Variants in SPOCK1 observed in about 807,000 individuals in gnomAD.
The protein encoded by SPOCK1 is SPARC (osteonectin), cwcv and kazal like domains proteoglycan 1.
Under a neutral mutation model 55.3 loss-of-function variants are expected in SPOCK1, and 23 were observed. The ratio of observed to expected loss-of-function variants is 0.42; its 90% CI spans 0.30 to 0.59. The LOEUF is 0.59. Ranked by LOEUF, SPOCK1 falls within the 20% of genes least tolerant of loss-of-function variation. SPOCK1 has a pLI of 0.22. For synonymous variants in SPOCK1, 226 were observed against 221.0 expected (o/e 1.02, Z -0.20); for missense variants, 499 against 552.5 (o/e 0.90, Z 0.97).
intron 2 of SPOCK1, among the ~76,000 whole-genome samples, chr5:137,317,668 A>C (rs1757904314): frequency 6.6e-6 from 1 of 152,216 alleles, no homozygotes; most frequent in African/African-American, 2.4e-5. Context: ...TCAACCCTAC[A>C]AGTCAACAGG....
At chr5:137,328,570 C>T (rs1488767653) in intron 2 of SPOCK1, among the ~76,000 whole-genome samples, 1 of 152,210 alleles carries the variant, frequency 6.6e-6, no homozygotes, top group East Asian at 1.9e-4. Context: ...CACTGCTCTC[C>T]TTCTCAATGC....
intron 4 of SPOCK1, among the ~76,000 whole-genome samples, chr5:137,131,737 C>T (rs911668966): frequency 5.3e-5 from 8 of 151,378 alleles, no homozygotes; most frequent in Non-Finnish European, 1.2e-4. Context: ...CTTTGGGAGG[C>T]CAAGATGGGC....
intron 4 of SPOCK1, among the ~76,000 whole-genome samples, chr5:137,123,715 G>A (rs1753726610): frequency 1.3e-5 from 2 of 152,096 alleles, no homozygotes; most frequent in Non-Finnish European, 2.9e-5. Context: ...AAGTTGGTAG[G>A]CAGGCTCGCA....
chr5:137,378,796 C>T (rs1220488759), intron 2 of SPOCK1, among the ~76,000 whole-genome samples: 1 of 152,156 alleles, frequency 6.6e-6, no homozygotes. Flanking sequence ...AACTCAGTTT[C>T]CTTGTGGGGA....
chr5:137,231,692 A>G (rs1210173820), intron 3 of SPOCK1, among the ~76,000 whole-genome samples: 1 of 152,252 alleles, frequency 6.6e-6, no homozygotes, highest in Non-Finnish European at 1.5e-5. Flanking sequence ...TAAAGCTGCT[A>G]ATAAACACTC....
At position 137,302,153 on chromosome 5, in the gene SPOCK1, G is replaced by GT. The variant is rs1757603656; in HGVS notation, c.187-35099dup. 4.6e-5 allele frequency among the ~76,000 whole-genome samples: 7 copies of GT among 152,314 alleles called. No homozygotes were observed. In the South Asian group the frequency reaches 1.4e-3, roughly 32 times the overall value. On this transcript the variant is annotated intron_variant, in intron 2 of 10. Transcript: ENST00000394945. ...AAACGAGACGTTTTAGAATCAGAAT[G>GT]TAAAGGGAAAGAGAAAATCAAATTA... is the stretch of plus-strand genomic sequence containing the variant.
At chr5:137,259,320 T>C (rs761181053) in intron 3 of SPOCK1, among the ~76,000 whole-genome samples, 13 of 152,114 alleles carry the variant, frequency 8.5e-5, no homozygotes, top group Admixed American at 2.0e-4. Context: ...TAAAAAAGGA[T>C]GAGTTCATGT....
intron 4 of SPOCK1, among the ~76,000 whole-genome samples, chr5:137,113,731 GC>G: frequency 6.6e-6 from 1 of 152,234 alleles, no homozygotes; most frequent in South Asian, 2.1e-4. Flanking sequence ...ATTATTACTT[GC>G]CCCCACAGGT....
chr5:137,330,983 A>T (rs1029245528), intron 2 of SPOCK1, among the ~76,000 whole-genome samples: 2 of 152,216 alleles, frequency 1.3e-5, no homozygotes, highest in African/African-American at 2.4e-5. Context: ...GGCCGGAGAG[A>T]TGTTAAATGA....
chr5:137,370,236 G>A (rs1381031204), intron 2 of SPOCK1, among the ~76,000 whole-genome samples: 1 of 152,094 alleles, frequency 6.6e-6, no homozygotes, highest in African/African-American at 2.4e-5. Flanking sequence ...TTCCCTCCAG[G>A]GGTATGAAAG....
chr5:137,262,280 C>T (rs763683491), intron 3 of SPOCK1, among the ~76,000 whole-genome samples: 6 of 152,146 alleles, frequency 3.9e-5, no homozygotes, highest in Non-Finnish European at 5.9e-5. Flanking sequence ...TGTGACAATA[C>T]CTTTATTATT....
chr5:136,987,047 GATTT>G (rs973353612), intron 8 of SPOCK1, among the ~76,000 whole-genome samples: 1 of 134,688 alleles, frequency 7.4e-6, no homozygotes, highest in Non-Finnish European at 1.7e-5. Flanking sequence ...GTCTAAAACT[GATTT>G]ATTTTATATA....
At chr5:136,982,403 T>TTATTGTGATTACAGA (rs1300912432) in intron 9 of SPOCK1, among the ~76,000 whole-genome samples, 1 of 152,214 alleles carries the variant, frequency 6.6e-6, no homozygotes, top group Non-Finnish European at 1.5e-5. Flanking sequence ...CTGTTCACAT[T>TTATTGTGATTACAGA]TATTGTGATT....
intron 2 of SPOCK1, among the ~76,000 whole-genome samples, chr5:137,405,839 C>T (rs1580908069): frequency 6.6e-6 from 1 of 152,160 alleles, no homozygotes; most frequent in East Asian, 1.9e-4. Context: ...AGTACATCTT[C>T]GCCACACCAT....
chr5:137,420,432 T>G (rs1409764273), intron 2 of SPOCK1, among the ~76,000 whole-genome samples: 1 of 152,048 alleles, frequency 6.6e-6, no homozygotes, highest in Admixed American at 6.5e-5. Flanking sequence ...GTCCTGGACT[T>G]TTTTTTGGTT....
intron 2 of SPOCK1, among the ~76,000 whole-genome samples, chr5:137,301,097 T>C (rs548733071): frequency 7.5e-4 from 114 of 152,320 alleles, no homozygotes; most frequent in African/African-American, 2.5e-3. Context: ...ACTGACCCCT[T>C]AGTCTCTTTG....
At chr5:137,135,811 T>C (rs1753972845) in intron 4 of SPOCK1, among the ~76,000 whole-genome samples, 1 of 152,242 alleles carries the variant, frequency 6.6e-6, no homozygotes, top group African/African-American at 2.4e-5. Context: ...ATGTTGGATG[T>C]ATCAATAGCC....
intron 2 of SPOCK1, among the ~76,000 whole-genome samples, chr5:137,327,558 G>C (rs1332270916): frequency 2.0e-5 from 3 of 152,154 alleles, no homozygotes; most frequent in African/African-American, 7.2e-5. Flanking sequence ...CCAGAAAAGA[G>C]GAAGCTCCCC....
intron 2 of SPOCK1, among the ~76,000 whole-genome samples, chr5:137,432,712 A>G (rs558602977): frequency 1.3e-5 from 2 of 152,362 alleles, no homozygotes; most frequent in South Asian, 4.1e-4. Flanking sequence ...ATGCCACAGA[A>G]GTTCACAGAT....
Sources: allele counts gnomAD v4.1 joint callset (sites outside exome capture counted in the v4.1 genomes callset), GRCh38; gene constraint gnomAD v4.1.1; transcripts MANE v1.5; gene names NCBI Gene and HGNC (gene_info 2026-07-23, HGNC 2026-07-21).